The following SH3BP4 variants were observed in gnomAD, a reference collection of about 807,000 sequenced individuals.
SH3BP4 encodes SH3 domain-binding protein 4.
A neutral mutation model predicts 65.5 loss-of-function variants in SH3BP4; 33 were observed. The observed-to-expected ratio is 0.50, with a 90% CI of 0.38 to 0.67. The LOEUF (loss-of-function observed/expected upper bound fraction) is 0.67, where lower values mean the gene tolerates loss of function less well. Ranked by LOEUF, SH3BP4 falls within the 30% of genes least tolerant of loss-of-function variation. The pLI, the probability that SH3BP4 is intolerant of heterozygous loss-of-function variation, is 0.00. For synonymous variants in SH3BP4, 552 were observed against 545.5 expected (o/e 1.01, Z -0.17); for missense variants, 1,134 against 1,261.4 (o/e 0.90, Z 1.53).
intron 1 of SH3BP4, among the ~76,000 whole-genome samples, chr2:234,993,177 C>G (rs562723069): frequency 6.6e-6 from 1 of 152,186 alleles, no homozygotes; most frequent in African/African-American, 2.4e-5. Context: ...AGATGAGCCC[C>G]GGGGGTCGGT....
At chr2:234,966,106 C>T (rs11677681) in intron 1 of SH3BP4, among the ~76,000 whole-genome samples, 4,574 of 152,208 alleles carry the variant, frequency 0.03, 90 homozygotes, top group African/African-American at 0.041. Flanking sequence ...AGGCTGGGCA[C>T]GGTGGCTCAC....
intron 4 of SH3BP4, among the ~76,000 whole-genome samples, chr2:235,044,306 G>A (rs929448685): frequency 6.6e-6 from 1 of 152,234 alleles, no homozygotes; most frequent in Admixed American, 6.5e-5. Context: ...CCTGGCCCAC[G>A]AGCCAACCGG....
chr2:235,038,106 C>G (rs1695445287), intron 3 of SH3BP4, among the ~76,000 whole-genome samples: 1 of 148,776 alleles, frequency 6.7e-6, no homozygotes, highest in African/African-American at 2.5e-5. Context: ...AAAACAGGCT[C>G]TAATGGTGCT....
intron 2 of SH3BP4, among the ~76,000 whole-genome samples, chr2:234,998,371 C>T (rs576267896): frequency 7.2e-5 from 11 of 152,294 alleles, no homozygotes; most frequent in African/African-American, 2.6e-4. Flanking sequence ...ATTCACACGA[C>T]AGTTGAAGGT....
intron 2 of SH3BP4, among the ~76,000 whole-genome samples, chr2:235,028,671 C>T (rs140850367): frequency 1.6e-4 from 25 of 152,146 alleles, no homozygotes; most frequent in African/African-American, 5.8e-4. Context: ...AGAAATTGGG[C>T]CAGGGACAAG....
At chr2:235,016,731 G>A (rs1175172110) in intron 2 of SH3BP4, among the ~76,000 whole-genome samples, 2 of 152,148 alleles carry the variant, frequency 1.3e-5, no homozygotes, top group Admixed American at 6.5e-5. Flanking sequence ...GGATGGTCTC[G>A]ATCTTCTGAC....
chr2:235,038,347 ATTT>A (rs1279822557), intron 3 of SH3BP4, among the ~76,000 whole-genome samples: 3,164 of 6,406 alleles, frequency 0.49, 664 homozygotes, highest in African/African-American at 0.57. Flanking sequence ...TAGTATATAT[ATTT>A]TATATATATA....
intron 1 of SH3BP4, among the ~76,000 whole-genome samples, chr2:234,968,821 G>A (rs1417508317): frequency 6.6e-6 from 1 of 152,178 alleles, no homozygotes; most frequent in Admixed American, 6.5e-5. Flanking sequence ...CTGTGTGTGT[G>A]TATTTCATAC....
chr2:235,038,385 A>ACATATATATATG (rs1695517589), intron 3 of SH3BP4, among the ~76,000 whole-genome samples: 8 of 12,926 alleles, frequency 6.2e-4, no homozygotes, highest in African/African-American at 4.3e-3. Flanking sequence ...ACATATATAT[A>ACATATATATATG]TATATATATA....
intron 2 of SH3BP4, among the ~76,000 whole-genome samples, chr2:235,023,064 A>G (rs186205776): frequency 6.6e-6 from 1 of 152,172 alleles, no homozygotes; most frequent in Admixed American, 6.5e-5. Context: ...ACTTTCCCCA[A>G]ATCACAGAGC....
chr2:235,053,373 A>G (rs114581990), intron 5 of SH3BP4, among the ~76,000 whole-genome samples: 1,529 of 152,250 alleles, frequency 0.01, 5 homozygotes, highest in Non-Finnish European at 0.016. Context: ...TTTGTTGCGC[A>G]CCTACTCTTG....
At chr2:234,998,809 G>T (rs1694008769) in intron 2 of SH3BP4, among the ~76,000 whole-genome samples, 1 of 152,232 alleles carries the variant, frequency 6.6e-6, no homozygotes, top group Non-Finnish European at 1.5e-5. Flanking sequence ...CTGTGACAGA[G>T]ATCCTGGCTT....
intron 2 of SH3BP4, among the ~76,000 whole-genome samples, chr2:234,996,908 G>C (rs12620685): frequency 0.096 from 14,602 of 151,722 alleles, 1,363 homozygotes; most frequent in East Asian, 0.42. Context: ...GGCTCCAGCA[G>C]TTCCTTGGGC....
At chr2:234,990,043 C>A (rs552614018) in intron 1 of SH3BP4, among the ~76,000 whole-genome samples, 1 of 152,354 alleles carries the variant, frequency 6.6e-6, no homozygotes, top group Non-Finnish European at 1.5e-5. Context: ...TGTATAAAAT[C>A]ACCTTTGGAC....
chr2:235,041,375 C>T lies in SH3BP4; in HGVS notation c.606C>T (p.Phe202=). 1 of 1,614,216 alleles carries T rather than the reference C, an allele frequency of 6.2e-7. No homozygotes were observed. The highest frequency in any genetic ancestry group is 8.5e-7 in the Non-Finnish European group (1 of 1,180,054). Residue 202 remains phenylalanine, a synonymous_variant, in exon 4 of 6, where the codon TTC becomes TTT. Coordinates refer to ENST00000392011, the MANE Select transcript of SH3BP4 (RefSeq NM_014521.3). The surrounding 1 kb of genome is among the most constrained non-coding windows in gnomAD (Gnocchi z 6.0). ...LLLFDAGTSS[F]TESSSATTNS... ...TTTTTGACGCAGGTACATCCTCCTT[C>T]ACCGAATCCAGCTCAGCCACCACGA...
At chr2:235,001,063 G>A (rs1310674235) in intron 2 of SH3BP4, among the ~76,000 whole-genome samples, 2 of 152,210 alleles carry the variant, frequency 1.3e-5, no homozygotes, top group East Asian at 1.9e-4. Flanking sequence ...GTACAACCTC[G>A]TCTCTGCCTC....
chr2:235,019,390 G>A (rs1694782186), intron 2 of SH3BP4, among the ~76,000 whole-genome samples: 2 of 151,852 alleles, frequency 1.3e-5, no homozygotes, highest in African/African-American at 4.8e-5. Flanking sequence ...TGCAGGGAAA[G>A]CCTCTTGTGT....
chr2:235,024,055 T>C (rs1694922981), intron 2 of SH3BP4, among the ~76,000 whole-genome samples: 1 of 152,214 alleles, frequency 6.6e-6, no homozygotes, highest in Non-Finnish European at 1.5e-5. Context: ...TTTCATTGCT[T>C]TTTTGCTCTA....
intron 1 of SH3BP4, among the ~76,000 whole-genome samples, chr2:234,963,527 G>A (rs967408906): frequency 2.0e-5 from 3 of 152,158 alleles, no homozygotes; most frequent in East Asian, 1.9e-4. Flanking sequence ...TGCGTTCTGC[G>A]CTTTTGGAGT....
Sources: allele counts gnomAD v4.1 joint callset (sites outside exome capture counted in the v4.1 genomes callset), GRCh38; gene constraint gnomAD v4.1.1; non-coding constraint Gnocchi (gnomAD v3.1); transcripts MANE v1.5; gene names NCBI Gene and HGNC (gene_info 2026-07-23, HGNC 2026-07-21).